The following ICA1 variants were observed in gnomAD, a reference collection of about 807,000 sequenced individuals.
ICA1 encodes 69 kDa islet cell autoantigen.
In ICA1, 40 loss-of-function variants were observed where a neutral mutation model predicts 71.0. The ratio of observed to expected loss-of-function variants is 0.56; its 90% CI spans 0.44 to 0.73. ICA1 has a LOEUF of 0.73. ICA1 is among the 30% of genes least tolerant of loss of function. ICA1 has a pLI of 0.00. For missense variants in ICA1, 578 were observed against 576.5 expected, an observed-to-expected ratio of 1.00 and a Z score of -0.03; for synonymous variants, 207 against 209.5, an observed-to-expected ratio of 0.99 and a Z score of 0.10.
rs527344199 is a variant in ICA1, at chr7:8,165,975, T to A, written c.580-7323A>T. The stretch of plus-strand genomic sequence containing the variant: ...AATCACAGGTTCAATGCTATTCCTA[T>A]AAAACTACCAATGCCATTCGTTACA... On this transcript the variant is annotated intron_variant, in intron 6 of 13. Coordinates refer to ENST00000402384, the MANE Select transcript of ICA1 (RefSeq NM_001136020.3). Among the ~76,000 whole-genome samples, 99 of 152,308 alleles carry A rather than the reference T, an allele frequency of 6.5e-4. 3 individuals are homozygous for A. The South Asian group carries it at 0.019, about 30-fold the overall frequency.
chr7:8,179,018 G>A (rs910123150), intron 6 of ICA1, among the ~76,000 whole-genome samples: 3 of 152,150 alleles, frequency 2.0e-5, no homozygotes, highest in Non-Finnish European at 4.4e-5. Flanking sequence ...GAAGTAAACT[G>A]CATCACTTCC....
chr7:8,212,558 C>T (rs1031461492), intron 6 of ICA1, among the ~76,000 whole-genome samples: 3 of 152,186 alleles, frequency 2.0e-5, no homozygotes, highest in Admixed American at 2.0e-4. Context: ...GAGCAAGACC[C>T]TGTCTCAAAA....
chr7:8,140,703 G>A (rs1251289158), intron 10 of ICA1, among the ~76,000 whole-genome samples: 1 of 152,240 alleles, frequency 6.6e-6, no homozygotes, highest in Non-Finnish European at 1.5e-5. Flanking sequence ...ACAAGTGCAT[G>A]AGTACTTGTA....
At chr7:8,169,856 T>C (rs1807596333) in intron 6 of ICA1, among the ~76,000 whole-genome samples, 1 of 151,622 alleles carries the variant, frequency 6.6e-6, no homozygotes, top group African/African-American at 2.4e-5. Context: ...AAGTCTGATT[T>C]ACCAAGTTTT....
chr7:8,255,024 G>A (rs1809573470), intron 1 of ICA1, among the ~76,000 whole-genome samples: 1 of 152,126 alleles, frequency 6.6e-6, no homozygotes, highest in South Asian at 2.1e-4. Context: ...CTTCTTTGGA[G>A]CTATCCAGAA....
intron 7 of ICA1, 34 bp downstream of exon 7, chr7:8,158,493 C>T: frequency 6.2e-7 from 1 of 1,612,254 alleles, no homozygotes; most frequent in Non-Finnish European, 8.5e-7. Flanking sequence ...CTTGTGCCAT[C>T]CTTGGTTCAT....
chr7:8,152,067 TTCCCAGCCCTCTTCTA>T (rs1252515586), intron 8 of ICA1, among the ~76,000 whole-genome samples: 2 of 152,178 alleles, frequency 1.3e-5, no homozygotes, highest in African/African-American at 4.8e-5. Context: ...CCTGCCGGCC[TTCCCAGCCCTCTTCTA>T]TCCCTGGTGG....
intron 5 of ICA1, 110 bp from the exon 6 acceptor site, chr7:8,218,613 A>G: frequency 1.2e-6 from 1 of 801,824 alleles, no homozygotes; most frequent in Non-Finnish European, 2.1e-6. Flanking sequence ...CCTGGAATGT[A>G]GAAGATGCTC....
intron 6 of ICA1, among the ~76,000 whole-genome samples, chr7:8,202,896 GA>G (rs955981702): frequency 1.1e-3 from 175 of 152,202 alleles, no homozygotes; most frequent in African/African-American, 4.0e-3. Context: ...ATGCAGAGGG[GA>G]GGATTCCTTT....
At position 8,245,077 on chromosome 7, in the gene ICA1, T is replaced by C. The variant is rs561303850; in HGVS notation, c.-79-9072A>G. On this transcript the variant is annotated intron_variant, in intron 1 of 13. Transcript: ENST00000402384. ...ATTACTGGGTATATACCCAAAGGAT[T>C]ATAAATCATGCTGCTATAAAGACAC... Among the ~76,000 whole-genome samples the C allele has an allele frequency of 6.1e-4, 93 of 152,296 alleles. 2 individuals carry two copies. The highest frequency in any genetic ancestry group is 3.4e-3 in the Middle Eastern group (1 of 294).
intron 6 of ICA1, among the ~76,000 whole-genome samples, chr7:8,197,271 G>C (rs1787954427): frequency 6.6e-6 from 1 of 151,602 alleles, no homozygotes; most frequent in Non-Finnish European, 1.5e-5. Context: ...AAAAAAAGAA[G>C]AGGCTGGGTG....
rs770532070 is a variant in ICA1 at position 8,221,298 on chromosome 7, G to T, written c.357C>A (p.Ala119=). Residue 119 remains alanine, a synonymous_variant, in exon 5 of 14, where the codon GCC becomes GCA. Coordinates refer to ENST00000402384, the MANE Select transcript of ICA1 (RefSeq NM_001136020.3). ...AGKMMQATGK[A]LCFSSQQRLA... is the part of the protein sequence containing the mutation. ...ACCTTTGCTGGGAAGAAAAGCAGAGGGCCTTTCCTGTCGCTTGCATCATCT... is the reference window on the plus strand; with the variant it reads ...ACCTTTGCTGGGAAGAAAAGCAGAGTGCCTTTCCTGTCGCTTGCATCATCT... The T allele has an allele frequency of 6.2e-7, 1 of 1,613,522 alleles. No individual in the cohort carries two copies. The highest frequency in any genetic ancestry group is 1.3e-5 in the African/African-American group (1 of 74,840).
Position 8,173,208 on chromosome 7 carries a change from G to C in ICA1, c.580-14556C>G, listed in dbSNP as rs73674894. 0.026 allele frequency among the ~76,000 whole-genome samples: 3,911 copies of C among 152,192 alleles called. 183 individuals are homozygous for C. The highest frequency in any genetic ancestry group is 0.09 in the African/African-American group (3,719 of 41,516). ...TCCTTGACAAAACTGCTGATTCCAG[G>C]ACTAGGGAAGGAAATACATAAGATG... On this transcript the variant is annotated intron_variant, in intron 6 of 13. Coordinates refer to ENST00000402384, the MANE Select transcript of ICA1 (RefSeq NM_001136020.3). The surrounding 1 kb of genome is among the most constrained non-coding windows in gnomAD (Gnocchi z 4.0).
chr7:8,233,036 C>A (rs1583555964), intron 2 of ICA1, among the ~76,000 whole-genome samples: 1 of 57,608 alleles, frequency 1.7e-5, no homozygotes, highest in African/African-American at 7.7e-5. Flanking sequence ...ACTAAGCACA[C>A]CCCTTTTAGA....
intron 6 of ICA1, among the ~76,000 whole-genome samples, chr7:8,161,558 A>G (rs1434474077): frequency 2.0e-5 from 3 of 152,234 alleles, no homozygotes; most frequent in African/African-American, 4.8e-5. Context: ...TGACAAAACA[A>G]TGCCAGCCTG....
chr7:8,143,330 G>T lies in ICA1; in HGVS notation c.902+545C>A, dbSNP rs139071871. On this transcript the variant is annotated intron_variant, in intron 9 of 13. Transcript: ENST00000402384. Reference sequence around the variant, plus strand: ...AATGGAGATGGAGCAGTCATTTCCTGTACTTGAAGCTGTTCTCTGTTTCAC... The same window carrying T: ...AATGGAGATGGAGCAGTCATTTCCTTTACTTGAAGCTGTTCTCTGTTTCAC... Among the ~76,000 whole-genome samples, 731 of 152,326 alleles carry T rather than the reference G, an allele frequency of 4.8e-3. 5 individuals carry two copies. Among genetic ancestry groups the T allele is most frequent in the Non-Finnish European group, 7.7e-3 (524 of 68,030 alleles).
At chr7:8,257,298 A>G (rs981743704) in intron 1 of ICA1, among the ~76,000 whole-genome samples, 8 of 152,208 alleles carry the variant, frequency 5.3e-5, no homozygotes, top group African/African-American at 1.9e-4. Context: ...CCCTGGAAAT[A>G]TCACAGAGAA....
At chr7:8,235,266 T>A (rs191267876) in intron 2 of ICA1, among the ~76,000 whole-genome samples, 24 of 152,268 alleles carry the variant, frequency 1.6e-4, no homozygotes, top group Admixed American at 1.4e-3. Context: ...TTCACAAAGA[T>A]CTGCTTGCTT....
intron 13 of ICA1, among the ~76,000 whole-genome samples, chr7:8,125,041 C>T (rs770551608): frequency 2.0e-5 from 3 of 152,084 alleles, no homozygotes; most frequent in Non-Finnish European, 4.4e-5. Context: ...TGCCCACCTC[C>T]GCCTCCTAAA....
Sources: allele counts gnomAD v4.1 joint callset (sites outside exome capture counted in the v4.1 genomes callset), GRCh38; gene constraint gnomAD v4.1.1; non-coding constraint Gnocchi (gnomAD v3.1); transcripts MANE v1.5; gene names NCBI Gene and HGNC (gene_info 2026-07-23, HGNC 2026-07-21).